Variants in LRP1B observed in about 807,000 individuals in gnomAD.
The protein encoded by LRP1B is low-density lipoprotein receptor-related protein 1B.
Under a neutral mutation model 556.6 loss-of-function variants are expected in LRP1B, and 217 were observed. The observed-to-expected ratio is 0.39, with a 90% CI of 0.35 to 0.44. The LOEUF (loss-of-function observed/expected upper bound fraction) is 0.44. Among genes scored for constraint, LRP1B ranks in the 20% least tolerant of loss-of-function variants. LRP1B has a pLI of 1.00. For missense variants in LRP1B, 5,053 were observed against 5,620.8 expected (o/e 0.90, Z 3.23); for synonymous variants, 2,047 against 1,865.8 (o/e 1.10, Z -2.50).
chr2:141,219,957 C>G (rs1219524417), intron 6 of LRP1B, among the ~76,000 whole-genome samples: 1 of 152,040 alleles, frequency 6.6e-6, no homozygotes, highest in Non-Finnish European at 1.5e-5. Flanking sequence ...GGTAGAAAAA[C>G]CCACCAAGAT....
chr2:140,305,556 AG>A (rs1684030671), intron 83 of LRP1B, among the ~76,000 whole-genome samples: 1 of 152,180 alleles, frequency 6.6e-6, no homozygotes, highest in African/African-American at 2.4e-5. Context: ...TTTTGGGCTG[AG>A]AAAATGGGGT....
rs1362189066 is a variant in LRP1B, at chr2:140,867,725, C to T, written c.4444G>A (p.Val1482Ile). The change falls in exon 27 of 91, where the codon GTC (valine) becomes ATC (isoleucine). Residue 1482 changes from valine (V) to isoleucine (I), a missense_variant. Val to Ile is a conservative substitution (Grantham distance 29). Around this residue, in one of 5 missense-constraint regions of LRP1B, gnomAD observed 3,619 missense variants for 3,931.9 expected, o/e 0.92. Coordinates refer to ENST00000389484, the MANE Select transcript of LRP1B (RefSeq NM_018557.3). ...PFAVSLYGSE[V>I]YWTDWRTNTL... is the part of the protein sequence containing the mutation. ...TTGGTCCTCCAGTCTGTCCAGTAGA[C>T]TTCACTCCCATATAGAGACACAGCA... 1.2e-6 allele frequency: 2 copies of T among 1,612,550 alleles called. No homozygotes were observed. The highest frequency in any genetic ancestry group is 1.3e-5 in the African/African-American group (1 of 74,762).
chr2:140,671,738 T>C (rs1054349743), intron 41 of LRP1B, among the ~76,000 whole-genome samples: 1 of 152,204 alleles, frequency 6.6e-6, no homozygotes. Flanking sequence ...AGGATATTTT[T>C]TCCATCTCAA....
At chr2:140,556,819 T>A (rs1365733499) in intron 43 of LRP1B, among the ~76,000 whole-genome samples, 1 of 152,060 alleles carries the variant, frequency 6.6e-6, no homozygotes, top group Non-Finnish European at 1.5e-5. Flanking sequence ...AATGTTTACT[T>A]TACTATAGAA....
intron 3 of LRP1B, among the ~76,000 whole-genome samples, chr2:141,310,155 C>T (rs187933974): frequency 7.7e-4 from 117 of 152,186 alleles, no homozygotes; most frequent in African/African-American, 2.7e-3. Context: ...TTTACTACAA[C>T]ATAAAAGATT....
chr2:140,802,337 T>A (rs2105011017), intron 32 of LRP1B, among the ~76,000 whole-genome samples: 1 of 152,322 alleles, frequency 6.6e-6, no homozygotes, highest in African/African-American at 2.4e-5. Flanking sequence ...TATGTCATCA[T>A]TGAATACCCC....
intron 2 of LRP1B, among the ~76,000 whole-genome samples, chr2:141,674,264 GTTTATTGAA>G (rs1383289971): frequency 6.6e-6 from 1 of 152,024 alleles, no homozygotes; most frequent in Non-Finnish European, 1.5e-5. Flanking sequence ...GGTCTCTGAT[GTTTATTGAA>G]TTTTTCTAAA....
chr2:141,954,759 G>A (rs1228849485), intron 1 of LRP1B, among the ~76,000 whole-genome samples: 1 of 151,774 alleles, frequency 6.6e-6, no homozygotes, highest in Non-Finnish European at 1.5e-5. Flanking sequence ...ATTCTTTAGC[G>A]ATCTTATTCA....
chr2:141,590,788 G>A (rs988278487), intron 2 of LRP1B, among the ~76,000 whole-genome samples: 3 of 152,072 alleles, frequency 2.0e-5, no homozygotes, highest in African/African-American at 4.8e-5. Flanking sequence ...GGCTGCTGAC[G>A]TAAAATCATT....
intron 1 of LRP1B, among the ~76,000 whole-genome samples, chr2:141,871,888 A>G (rs915834863): frequency 2.0e-5 from 3 of 151,996 alleles, no homozygotes; most frequent in Non-Finnish European, 2.9e-5. Context: ...TGAAAATACT[A>G]AACACTTCAA....
chr2:140,750,318 T>C (rs1013926685), intron 35 of LRP1B, among the ~76,000 whole-genome samples: 2 of 152,182 alleles, frequency 1.3e-5, no homozygotes, highest in South Asian at 4.1e-4. Flanking sequence ...AAGAATTCCC[T>C]AAGACCAAAT....
chr2:140,400,484 G>A (rs1684444804), intron 66 of LRP1B, among the ~76,000 whole-genome samples: 1 of 152,078 alleles, frequency 6.6e-6, no homozygotes. Flanking sequence ...GTGGTTTCTG[G>A]AATTATCTCC....
chr2:141,465,046 C>T (rs1014502784), intron 3 of LRP1B, among the ~76,000 whole-genome samples: 1 of 151,950 alleles, frequency 6.6e-6, no homozygotes, highest in Non-Finnish European at 1.5e-5. Flanking sequence ...AGAATAAGTA[C>T]AATTTAACAT....
chr2:141,064,400 T>C (rs1329140864), intron 7 of LRP1B, among the ~76,000 whole-genome samples: 1 of 151,932 alleles, frequency 6.6e-6, no homozygotes, highest in Non-Finnish European at 1.5e-5. Context: ...AAATTTTTCA[T>C]TCTTTTTGAC....
chr2:141,595,404 T>C (rs1355656561), intron 2 of LRP1B, among the ~76,000 whole-genome samples: 1 of 152,046 alleles, frequency 6.6e-6, no homozygotes, highest in Admixed American at 6.6e-5. Flanking sequence ...AATTCTATAA[T>C]GAGATGGGAA....
chr2:140,702,226 C>T lies in LRP1B; in HGVS notation c.6217G>A (p.Gly2073Arg), dbSNP rs1476418488. 3.1e-6 allele frequency: 5 copies of T among 1,613,678 alleles called. No homozygotes were observed. In the African/African-American group the frequency reaches 5.3e-5, roughly 17 times the overall value. The change falls in exon 39 of 91, where the codon GGG (glycine) becomes AGG (arginine). Residue 2073 changes from glycine (G) to arginine (R), a missense_variant. Physicochemically the swap from Gly to Arg is moderately radical, Grantham distance 125. Around this residue, in one of 5 missense-constraint regions of LRP1B, gnomAD observed 3,619 missense variants for 3,931.9 expected, o/e 0.92. Transcript: ENST00000389484. ...CCTGACAGCACCATCTCGCGATTCC[C>T]TCCAGTCTCAAGGTCGATTCTCTCT... ...KIERIDLETG[G>R]NREMVLSGSN... is the part of the protein sequence containing the mutation.
chr2:141,119,151 A>G (rs1368877452), intron 7 of LRP1B, among the ~76,000 whole-genome samples: 1 of 151,906 alleles, frequency 6.6e-6, no homozygotes, highest in Non-Finnish European at 1.5e-5. Flanking sequence ...CACAATTTTG[A>G]GATAATATAG....
intron 7 of LRP1B, among the ~76,000 whole-genome samples, chr2:141,171,103 C>T (rs1263104951): frequency 6.6e-6 from 1 of 152,096 alleles, no homozygotes; most frequent in Admixed American, 6.6e-5. Context: ...CTGTCTTCCT[C>T]ACTGGCAGTT....
intron 1 of LRP1B, among the ~76,000 whole-genome samples, chr2:141,839,524 T>C (rs773349260): frequency 3.3e-5 from 5 of 152,298 alleles, no homozygotes; most frequent in Non-Finnish European, 5.9e-5. Context: ...TCTTCTCTTG[T>C]GGCTAGTCAC....
Sources: gnomAD v4.1 joint callset for allele counts (sites outside exome capture counted in the v4.1 genomes callset) on GRCh38, gnomAD v4.1.1 for gene constraint, gnomAD v4.1.1 regional missense constraint, MANE v1.5 for transcripts, NCBI Gene and HGNC (gene_info 2026-07-23, HGNC 2026-07-21) for gene names.